The following STRN3 variants were observed in gnomAD, a reference collection of about 807,000 sequenced individuals.
The protein encoded by STRN3 is striatin-3.
Under a neutral mutation model 95.6 loss-of-function variants are expected in STRN3, and 29 were observed. The ratio of observed to expected loss-of-function variants is 0.30; its 90% CI spans 0.23 to 0.41. The LOEUF (loss-of-function observed/expected upper bound fraction) is 0.41. Ranked by LOEUF, STRN3 falls within the 10% of genes least tolerant of loss-of-function variation. STRN3 has a pLI of 1.00. For synonymous variants in STRN3, 331 were observed against 357.6 expected, an observed-to-expected ratio of 0.93 and a Z score of 0.84; for missense variants, 890 against 972.1, an observed-to-expected ratio of 0.92 and a Z score of 1.12.
At chr14:31,013,971 T>C (rs1470118179) in intron 1 of STRN3, among the ~76,000 whole-genome samples, 1 of 147,102 alleles carries the variant, frequency 6.8e-6, no homozygotes, top group Non-Finnish European at 1.5e-5. Flanking sequence ...GGTGAGATCA[T>C]GGCTCACAGC....
intron 1 of STRN3, among the ~76,000 whole-genome samples, chr14:30,970,766 G>A (rs1344202300): frequency 6.6e-6 from 1 of 152,230 alleles, no homozygotes; most frequent in Admixed American, 6.5e-5. Flanking sequence ...TGGCAATTGA[G>A]ACAAGATACC....
chr14:31,024,560 T>C (rs909334895), intron 1 of STRN3, among the ~76,000 whole-genome samples: 3 of 152,204 alleles, frequency 2.0e-5, no homozygotes, highest in African/African-American at 7.2e-5. Flanking sequence ...CTTCATACAG[T>C]GTCAAAATAC....
chr14:30,914,422 G>A (rs548028102), intron 9 of STRN3, among the ~76,000 whole-genome samples: 1 of 152,092 alleles, frequency 6.6e-6, no homozygotes, highest in Non-Finnish European at 1.5e-5. Flanking sequence ...GTGCGATCTC[G>A]GTTCACTGCA....
At chr14:30,896,117 C>T (rs1172363411) in intron 16 of STRN3, among the ~76,000 whole-genome samples, 4 of 152,284 alleles carry the variant, frequency 2.6e-5, no homozygotes, top group Middle Eastern at 3.4e-3. Flanking sequence ...TCATACAATA[C>T]GTGGCTTTTT....
intron 9 of STRN3, among the ~76,000 whole-genome samples, chr14:30,918,685 T>C (rs1311266267): frequency 6.6e-6 from 1 of 152,156 alleles, no homozygotes; most frequent in Non-Finnish European, 1.5e-5. Context: ...TTCCCATTAC[T>C]GGATCTGTAG....
intron 1 of STRN3, among the ~76,000 whole-genome samples, chr14:31,022,681 C>T (rs1379877324): frequency 6.6e-6 from 1 of 151,518 alleles, no homozygotes; most frequent in Non-Finnish European, 1.5e-5. Context: ...GACAGTATAA[C>T]ATAATGGTTA....
chr14:30,926,675 T>G (rs1207636744), intron 8 of STRN3, among the ~76,000 whole-genome samples: 1 of 152,062 alleles, frequency 6.6e-6, no homozygotes, highest in South Asian at 2.1e-4. Flanking sequence ...CAAGCATGTG[T>G]TATTTTTATG....
At chr14:31,023,918 ACTT>A (rs1883639595) in intron 1 of STRN3, among the ~76,000 whole-genome samples, 1 of 152,012 alleles carries the variant, frequency 6.6e-6, no homozygotes, top group African/African-American at 2.4e-5. Flanking sequence ...ACACTGTAGG[ACTT>A]CTTCAAAACA....
chr14:30,895,375 C>A lies in STRN3; in HGVS notation c.*36G>T. 1 of 1,563,640 alleles carries A rather than the reference C, an allele frequency of 6.4e-7. No homozygotes were observed. The highest frequency in any genetic ancestry group is 8.7e-7 in the Non-Finnish European group (1 of 1,154,584). The stretch of plus-strand genomic sequence containing the variant: ...CAGTGATGCAGACCCTCTTTCTGTC[C>A]AAGCAAATCTTGTTACGATGCAAGT... On this transcript the variant is annotated 3_prime_UTR_variant, in exon 18 of 18. Transcript: ENST00000357479.
intron 16 of STRN3, among the ~76,000 whole-genome samples, chr14:30,901,022 A>C (rs1387836624): frequency 3.3e-5 from 5 of 152,194 alleles, no homozygotes; most frequent in African/African-American, 9.7e-5. Flanking sequence ...GTAAATCTTC[A>C]ATAATTAATA....
At chr14:31,018,753 C>T in intron 1 of STRN3, 1 of 474,986 alleles carries the variant, frequency 2.1e-6, no homozygotes. Context: ...GTGCTCCGAA[C>T]TTGCTCAAAT....
intron 10 of STRN3, among the ~76,000 whole-genome samples, chr14:30,912,988 A>C (rs1169453757): frequency 1.6e-4 from 24 of 152,174 alleles, no homozygotes; most frequent in Admixed American, 1.6e-3. Flanking sequence ...ACTAGAAAAA[A>C]TTAAATCCAA....
In STRN3 at chr14:30,900,451, G is replaced by GGC. The variant is rs1555313847; in HGVS notation, c.2137+2083_2137+2084dup. ...CAACGGGGGGTGTGGGGCGGGGGGG[G>GGC]GCGGTGTGTGTGTGTGTTCAGGCAC... On this transcript the variant is annotated intron_variant, in intron 16 of 17. Coordinates refer to ENST00000357479, the MANE Select transcript of STRN3 (RefSeq NM_001083893.2). 3.4e-5 allele frequency among the ~76,000 whole-genome samples: 5 copies of GGC among 148,946 alleles called. 1 individual carries two copies. The highest frequency in any genetic ancestry group is 7.5e-5 in the Non-Finnish European group (5 of 66,742).
chr14:31,001,809 T>C (rs1882464822), intron 1 of STRN3, among the ~76,000 whole-genome samples: 1 of 151,466 alleles, frequency 6.6e-6, no homozygotes, highest in Admixed American at 6.6e-5. Flanking sequence ...GCGGATCACC[T>C]GAGGTCAGGA....
intron 1 of STRN3, among the ~76,000 whole-genome samples, chr14:30,991,036 T>G (rs965487949): frequency 6.6e-6 from 1 of 152,186 alleles, no homozygotes; most frequent in Admixed American, 6.5e-5. Context: ...CACAGCTTAC[T>G]CTTGACTAAT....
chr14:30,981,684 G>A (rs1048564933), intron 1 of STRN3, among the ~76,000 whole-genome samples: 9 of 151,702 alleles, frequency 5.9e-5, no homozygotes, highest in African/African-American at 2.2e-4. Flanking sequence ...TCCAGTCCCC[G>A]ACCTACCCAG....
intron 7 of STRN3, among the ~76,000 whole-genome samples, chr14:30,933,122 A>AT (rs1878623059): frequency 6.6e-6 from 1 of 151,868 alleles, no homozygotes; most frequent in Non-Finnish European, 1.5e-5. Flanking sequence ...AAAAAAAAAA[A>AT]ATGCAAAAAT....
At chr14:30,954,894 T>C (rs1240565951) in intron 3 of STRN3, among the ~76,000 whole-genome samples, 1 of 148,956 alleles carries the variant, frequency 6.7e-6, no homozygotes, top group African/African-American at 2.5e-5. Flanking sequence ...ATTCTAGCCA[T>C]ACTGGAAATA....
intron 3 of STRN3, among the ~76,000 whole-genome samples, chr14:30,954,405 T>C (rs1398324539): frequency 6.6e-6 from 1 of 152,198 alleles, no homozygotes; most frequent in Non-Finnish European, 1.5e-5. Flanking sequence ...CTTTCTTATA[T>C]TGATTTCTTT....
Sources: allele counts gnomAD v4.1 joint callset (sites outside exome capture counted in the v4.1 genomes callset), GRCh38; gene constraint gnomAD v4.1.1; transcripts MANE v1.5; gene names NCBI Gene and HGNC (gene_info 2026-07-23, HGNC 2026-07-21).